Variants in CDH13 observed in about 807,000 individuals in gnomAD.
CDH13 encodes the protein cadherin-13.
Under a neutral mutation model 63.8 loss-of-function variants are expected in CDH13, and 24 were observed. The observed-to-expected ratio is 0.38, with a 90% CI of 0.27 to 0.53. The LOEUF is 0.53. Among genes scored for constraint, CDH13 ranks in the 20% least tolerant of loss-of-function variants. The probability of loss-of-function intolerance (pLI) is 0.85; values close to 1 mark genes in which losing one functional copy is unlikely to be tolerated. For synonymous variants in CDH13, 503 were observed against 355.3 expected (o/e 1.42, Z -4.67); for missense variants, 1,049 against 903.1 (o/e 1.16, Z -2.07).
intron 1 of CDH13, chr16:82,727,443 G>A (rs1025097974): frequency 6.6e-6 from 1 of 152,086 alleles, no homozygotes; most frequent in Non-Finnish European, 1.5e-5. Flanking sequence ...CTTCTAACCA[G>A]TAACCATTCC....
chr16:83,708,371 A>ATGG (rs1157656955), intron 10 of CDH13, among the ~76,000 whole-genome samples: 2 of 152,200 alleles, frequency 1.3e-5, no homozygotes, highest in African/African-American at 2.4e-5. Flanking sequence ...AGGAGGTAGC[A>ATGG]TGGTGGTTCA....
At chr16:82,687,284 C>T (rs1915174578) in intron 1 of CDH13, among the ~76,000 whole-genome samples, 2 of 152,266 alleles carry the variant, frequency 1.3e-5, no homozygotes, top group South Asian at 4.2e-4. Flanking sequence ...TTCTGGGATA[C>T]TGGGTGGTGG....
intron 4 of CDH13, among the ~76,000 whole-genome samples, chr16:83,185,907 G>A (rs1213854552): frequency 6.6e-6 from 1 of 152,036 alleles, no homozygotes; most frequent in Non-Finnish European, 1.5e-5. Flanking sequence ...GAACCTCTAT[G>A]TCTTATCCAT....
At chr16:83,328,122 TC>T (rs2090405422) in intron 5 of CDH13, among the ~76,000 whole-genome samples, 1 of 33,930 alleles carries the variant, frequency 2.9e-5, no homozygotes, top group Non-Finnish European at 6.1e-5. Flanking sequence ...GACAGTATTG[TC>T]AAAAAAAAAA....
rs577017013 is a variant in CDH13 at position 82,662,575 on chromosome 16, C to T, written c.45+35438C>T. On this transcript the variant is annotated intron_variant, in intron 1 of 13. Coordinates refer to ENST00000567109, the MANE Select transcript of CDH13 (RefSeq NM_001257.5). The stretch of plus-strand genomic sequence containing the variant: ...AGCTGGTTTGGAGTAAATCCATCCC[C>T]ACCACTATCAGGTCTTGCCCAGGCA... Among the ~76,000 whole-genome samples, 130 of 152,282 alleles carry T rather than the reference C, an allele frequency of 8.5e-4. 1 individual carries two copies. The highest frequency in any genetic ancestry group is 3.4e-3 in the Middle Eastern group (1 of 294).
intron 5 of CDH13, among the ~76,000 whole-genome samples, chr16:83,240,429 G>A (rs940427918): frequency 2.0e-5 from 3 of 152,058 alleles, no homozygotes; most frequent in African/African-American, 7.2e-5. Flanking sequence ...GGAATTCAGT[G>A]GAAGTGAGGA....
intron 8 of CDH13, among the ~76,000 whole-genome samples, chr16:83,634,569 T>G (rs139342327): frequency 6.6e-6 from 1 of 152,078 alleles, no homozygotes; most frequent in African/African-American, 2.4e-5. Context: ...CCCAGCTAAT[T>G]TTTGTATTTT....
At position 83,178,762 on chromosome 16, in the gene CDH13, T is replaced by C. The variant is rs139436311; in HGVS notation, c.484-38583T>C. Among the ~76,000 whole-genome samples, 4 of 152,104 alleles carry C rather than the reference T, an allele frequency of 2.6e-5. No homozygotes were observed. In the East Asian group the frequency reaches 5.8e-4, roughly 22 times the overall value. Reference sequence around the variant, plus strand: ...TATTTCTAGAGAATCCATACAGTCATTGAGGCTTTGTTTTTTTTCATCTTC... The same window carrying C: ...TATTTCTAGAGAATCCATACAGTCACTGAGGCTTTGTTTTTTTTCATCTTC... On this transcript the variant is annotated intron_variant, in intron 4 of 13. Coordinates refer to ENST00000567109, the MANE Select transcript of CDH13 (RefSeq NM_001257.5).
chr16:82,685,628 G>T (rs1408634433), intron 1 of CDH13, among the ~76,000 whole-genome samples: 1 of 152,170 alleles, frequency 6.6e-6, no homozygotes, highest in East Asian at 1.9e-4. Flanking sequence ...GGATGTGTGT[G>T]TGTGCATGTG....
chr16:83,599,504 A>G (rs991823061), intron 7 of CDH13, among the ~76,000 whole-genome samples: 4 of 152,234 alleles, frequency 2.6e-5, no homozygotes, highest in Non-Finnish European at 4.4e-5. Context: ...TCAGTCAAAA[A>G]CAAACCAAAA....
chr16:83,086,199 G>A (rs1041477291), intron 3 of CDH13, among the ~76,000 whole-genome samples: 9 of 152,260 alleles, frequency 5.9e-5, no homozygotes, highest in South Asian at 2.1e-4. Flanking sequence ...ATAAGAGAGC[G>A]GTTTTCTCAG....
At chr16:82,878,667 G>A (rs573089758) in intron 2 of CDH13, among the ~76,000 whole-genome samples, 1 of 150,938 alleles carries the variant, frequency 6.6e-6, no homozygotes, top group Admixed American at 6.6e-5. Flanking sequence ...GGGCATGGTT[G>A]TTGGTCCAAT....
chr16:83,559,507 G>T (rs982812971), intron 7 of CDH13, among the ~76,000 whole-genome samples: 1 of 151,912 alleles, frequency 6.6e-6, no homozygotes, highest in Non-Finnish European at 1.5e-5. Flanking sequence ...GGAGACAGAG[G>T]TTGTGGTGAG....
intron 2 of CDH13, among the ~76,000 whole-genome samples, chr16:82,869,425 A>C (rs2113139): frequency 0.89 from 134,924 of 151,844 alleles, 60,175 homozygotes; most frequent in African/African-American, 0.97. Context: ...GGAGTTTGAT[A>C]TGTAACTTTA....
chr16:83,777,898 G>C (rs953959434), intron 11 of CDH13, among the ~76,000 whole-genome samples: 1 of 152,190 alleles, frequency 6.6e-6, no homozygotes. Context: ...AAAGCCATAG[G>C]TTAGATTAGT....
chr16:83,541,396 CTCT>C (rs969903279), intron 7 of CDH13, among the ~76,000 whole-genome samples: 1 of 152,230 alleles, frequency 6.6e-6, no homozygotes, highest in African/African-American at 2.4e-5. Flanking sequence ...ACCAGCTCCT[CTCT>C]TCTTTGCCTG....
At chr16:82,752,877 C>A (rs2034473306) in intron 1 of CDH13, among the ~76,000 whole-genome samples, 1 of 152,110 alleles carries the variant, frequency 6.6e-6, no homozygotes, top group Non-Finnish European at 1.5e-5. Context: ...CAGCCGCACC[C>A]CATTATTGTA....
At chr16:82,815,725 A>G (rs1597683477) in intron 1 of CDH13, among the ~76,000 whole-genome samples, 1 of 152,106 alleles carries the variant, frequency 6.6e-6, no homozygotes, top group East Asian at 1.9e-4. Context: ...CCCTAATCGT[A>G]GACTATCACT....
chr16:82,955,174 T>C (rs1294246845), intron 2 of CDH13, among the ~76,000 whole-genome samples: 1 of 152,174 alleles, frequency 6.6e-6, no homozygotes, highest in Admixed American at 6.5e-5. Flanking sequence ...TTTTTAACCT[T>C]TTGAGGAACT....
Sources: allele counts gnomAD v4.1 joint callset (sites outside exome capture counted in the v4.1 genomes callset), GRCh38; gene constraint gnomAD v4.1.1; transcripts MANE v1.5; gene names NCBI Gene and HGNC (gene_info 2026-07-23, HGNC 2026-07-21).